RGS18: variants seen among roughly 807,000 people sequenced by gnomAD.
RGS18 encodes the protein regulator of G protein signaling 18, also known as regulator of G-protein signaling 18.
A neutral mutation model predicts 27.6 loss-of-function variants in RGS18; 22 were observed. That is an observed-to-expected ratio of 0.80 (90% CI 0.57 to 1.14). The LOEUF (loss-of-function observed/expected upper bound fraction) is 1.14, where lower values mean the gene tolerates loss of function less well. Ranked by LOEUF, RGS18 falls within the 50% of genes most tolerant of loss-of-function variation. The probability of loss-of-function intolerance (pLI) is 0.00; values close to 1 mark genes in which losing one functional copy is unlikely to be tolerated. For missense variants in RGS18, 299 were observed against 269.6 expected (o/e 1.11, Z -0.76); for synonymous variants, 89 against 84.6 (o/e 1.05, Z -0.29).
At chr1:192,162,707 A>G (rs1656095128) in intron 3 of RGS18, among the ~76,000 whole-genome samples, 1 of 152,190 alleles carries the variant, frequency 6.6e-6, no homozygotes, top group Admixed American at 6.5e-5. Flanking sequence ...TTATAGATTA[A>G]TTACAATAAC....
intron 3 of RGS18, among the ~76,000 whole-genome samples, chr1:192,177,797 G>A (rs368383628): frequency 5.9e-5 from 9 of 151,740 alleles, no homozygotes; most frequent in African/African-American, 1.9e-4. Context: ...CATGGCACAC[G>A]AATGGAACTA....
In RGS18 at chr1:192,184,668, T is replaced by C; in HGVS notation, c.*114T>C. On this transcript the variant is annotated 3_prime_UTR_variant, in exon 5 of 5. Coordinates refer to ENST00000367460, the MANE Select transcript of RGS18 (RefSeq NM_130782.3). ...TTAAACTGAAATATGTCATGTGAAATTATTTTAAAAATGTAAAAACAAAAC... is the reference window on the plus strand; with the variant it reads ...TTAAACTGAAATATGTCATGTGAAACTATTTTAAAAATGTAAAAACAAAAC... 1.9e-6 allele frequency: 2 copies of C among 1,051,388 alleles called. No homozygotes were observed. Among genetic ancestry groups the C allele is most frequent in the South Asian group, 3.4e-5 (2 of 58,942 alleles). The allele number at this position is 1,051,388 out of a possible 1,614,324, so 65.1% of individuals were successfully genotyped here.
chr1:192,175,330 T>A (rs918165636), intron 3 of RGS18, among the ~76,000 whole-genome samples: 1 of 151,884 alleles, frequency 6.6e-6, no homozygotes, highest in African/African-American at 2.4e-5. Flanking sequence ...CACTAATTTT[T>A]TTTTTGTATG....
intron 3 of RGS18, among the ~76,000 whole-genome samples, chr1:192,162,739 A>G (rs531570658): frequency 1.3e-5 from 2 of 152,202 alleles, no homozygotes; most frequent in South Asian, 2.1e-4. Context: ...TTGCTTCCAT[A>G]ATTCATGTCC....
At chr1:192,183,362 C>T (rs1656488429) in intron 4 of RGS18, among the ~76,000 whole-genome samples, 1 of 151,554 alleles carries the variant, frequency 6.6e-6, no homozygotes, top group South Asian at 2.1e-4. Context: ...GAAATGAGCA[C>T]TGGAATAAAG....
Position 192,184,688 on chromosome 1 carries a change from CA to C in RGS18, c.*138del. The C allele has an allele frequency of 1.2e-6, 1 of 867,040 alleles. No individual in the cohort carries two copies. Among genetic ancestry groups the C allele is most frequent in the Non-Finnish European group, 1.7e-6 (1 of 574,456 alleles). The allele number at this position is 867,040 out of a possible 1,614,324, so 53.7% of individuals were successfully genotyped here. ...TGAAATTATTTTAAAAATGTAAAAACAAAACTTTCTGCTAACAAAATACATA... is the reference window on the plus strand; with the variant it reads ...TGAAATTATTTTAAAAATGTAAAAACAAACTTTCTGCTAACAAAATACATA... On this transcript the variant is annotated 3_prime_UTR_variant, in exon 5 of 5. Transcript: ENST00000367460.
intron 3 of RGS18, among the ~76,000 whole-genome samples, chr1:192,167,195 C>G (rs1351127799): frequency 6.6e-6 from 1 of 152,080 alleles, no homozygotes; most frequent in Non-Finnish European, 1.5e-5. Context: ...TAGAAACTGA[C>G]TATACTTTGG....
intron 3 of RGS18, chr1:192,163,185 A>G (rs1656103274): frequency 6.6e-6 from 1 of 152,218 alleles, no homozygotes; most frequent in South Asian, 2.1e-4. Flanking sequence ...TAAGAAACCA[A>G]TAAATCTTGG....
intron 3 of RGS18, among the ~76,000 whole-genome samples, chr1:192,177,700 G>A (rs1435989815): frequency 6.6e-6 from 1 of 151,688 alleles, no homozygotes. Flanking sequence ...TAGGCTGTAT[G>A]GGTTAGATTA....
intron 4 of RGS18, 86 bp from the exon 5 acceptor site, chr1:192,184,211 C>T: frequency 1.6e-6 from 2 of 1,270,684 alleles, no homozygotes; most frequent in Non-Finnish European, 2.2e-6. Flanking sequence ...ATGCCCACTC[C>T]AACATTGCAT....
At position 192,181,323 on chromosome 1, in the gene RGS18, A is replaced by G; in HGVS notation, c.315A>G (p.Lys105=). The change falls in exon 4 of 5, where the codon AAA becomes AAG. Residue 105 remains lysine (K), a synonymous_variant. Transcript: ENST00000367460. ...TAGAGGCTTTTACCAGATTTCTTAA[A>G]ACTGAATTCAGTGAAGAAAATATTG... The part of the protein sequence containing the change: ...DGLEAFTRFL[K]TEFSEENIEF... 1 of 1,560,470 alleles carries G rather than the reference A, an allele frequency of 6.4e-7. No individual in the cohort carries two copies. Among genetic ancestry groups the G allele is most frequent in the East Asian group, 2.3e-5 (1 of 43,616 alleles).
At position 192,159,274 on chromosome 1, in the gene RGS18, T is replaced by C; in HGVS notation, c.174T>C (p.His58=). The C allele has an allele frequency of 6.2e-7, 1 of 1,613,832 alleles. No individual in the cohort carries two copies. Among genetic ancestry groups the C allele is most frequent in the Non-Finnish European group, 8.5e-7 (1 of 1,179,758 alleles). The change falls in exon 2 of 5, where the codon CAT becomes CAC. Residue 58 remains histidine, a synonymous_variant. Coordinates refer to ENST00000367460, the MANE Select transcript of RGS18 (RefSeq NM_130782.3). The part of the protein sequence containing the change: ...LSLLVQKPEF[H]EDTRSSRSGH... ...TTCTTGTGCAGAAACCTGAGTTTCA[T>C]GAAGACACCCGCTCCAGTAGATCTG...
chr1:192,158,508 C>CT lies in RGS18; in HGVS notation c.-124dup, dbSNP rs1656012612. 1.2e-6 allele frequency: 1 copy of CT among 842,928 alleles called. No individual in the cohort carries two copies. The highest frequency in any genetic ancestry group is 1.6e-6 in the Non-Finnish European group (1 of 612,374). 52.2% of individuals were successfully genotyped at this position (842,928 alleles called of 1,614,324 possible). On this transcript the variant is annotated 5_prime_UTR_variant, in exon 1 of 5. Transcript: ENST00000367460. ...CAGAAAGAAACGCAGCTCTTGACTTCTTTTTTGTAAACATTACTGTAAGAG... is the reference window on the plus strand; with the variant it reads ...CAGAAAGAAACGCAGCTCTTGACTTCTTTTTTTGTAAACATTACTGTAAGAG...
chr1:192,158,781 G>C, intron 1 of RGS18, 25 bp downstream of exon 1: 1 of 1,439,790 alleles, frequency 6.9e-7, no homozygotes, highest in Non-Finnish European at 9.5e-7. Flanking sequence ...TTTTAAGTCA[G>C]CCTTATACTT....
chr1:192,165,807 C>T (rs962477478), intron 3 of RGS18, among the ~76,000 whole-genome samples: 35 of 151,998 alleles, frequency 2.3e-4, no homozygotes, highest in African/African-American at 7.5e-4. Flanking sequence ...TTTCTTATTT[C>T]GTTCAATGGA....
intron 3 of RGS18, among the ~76,000 whole-genome samples, chr1:192,172,878 T>TATATAA (rs1553229371): frequency 7.2e-6 from 1 of 138,574 alleles, no homozygotes; most frequent in Non-Finnish European, 1.6e-5. Flanking sequence ...TATATATATA[T>TATATAA]ATATAAATAT....
chr1:192,180,988 C>T (rs970976144), intron 3 of RGS18, among the ~76,000 whole-genome samples: 1 of 151,514 alleles, frequency 6.6e-6, no homozygotes. Flanking sequence ...GCGAGGGGAA[C>T]GGATAAAAGA....
intron 3 of RGS18, among the ~76,000 whole-genome samples, chr1:192,172,676 T>C (rs1411843440): frequency 6.6e-6 from 1 of 151,768 alleles, no homozygotes; most frequent in Non-Finnish European, 1.5e-5. Flanking sequence ...TCTACTCTTC[T>C]GCCTCTTCTA....
At chr1:192,160,721 C>T (rs1318190447) in intron 3 of RGS18, 3 of 356,596 alleles carry the variant, frequency 8.4e-6, no homozygotes, top group East Asian at 4.7e-5. Flanking sequence ...TGAATGAAAT[C>T]TTCGGTTTTA....
Sources: allele counts gnomAD v4.1 joint callset (sites outside exome capture counted in the v4.1 genomes callset), GRCh38; gene constraint gnomAD v4.1.1; transcripts MANE v1.5; gene names NCBI Gene and HGNC (gene_info 2026-07-23, HGNC 2026-07-21).